CTNNA3: variants seen among roughly 807,000 people sequenced by gnomAD.
CTNNA3 encodes the protein catenin alpha-3.
Under a neutral mutation model 95.7 loss-of-function variants are expected in CTNNA3, and 76 were observed. The observed-to-expected ratio is 0.79, with a 90% CI of 0.66 to 0.96. The LOEUF (loss-of-function observed/expected upper bound fraction) is 0.96. Ranked by LOEUF, CTNNA3 falls within the 40% of genes least tolerant of loss-of-function variation. The pLI, the probability that CTNNA3 is intolerant of heterozygous loss-of-function variation, is 0.00. For synonymous variants in CTNNA3, 431 were observed against 374.4 expected, an observed-to-expected ratio of 1.15 and a Z score of -1.74; for missense variants, 1,191 against 1,089.8, an observed-to-expected ratio of 1.09 and a Z score of -1.31.
chr10:67,629,400 C>T (rs1839064166), intron 2 of CTNNA3, among the ~76,000 whole-genome samples: 1 of 152,178 alleles, frequency 6.6e-6, no homozygotes, highest in Non-Finnish European at 1.5e-5. Flanking sequence ...CAGTCACCAT[C>T]CACCAGCAAT....
At chr10:66,424,751 C>A (rs2093224696) in intron 11 of CTNNA3, among the ~76,000 whole-genome samples, 1 of 152,106 alleles carries the variant, frequency 6.6e-6, no homozygotes, top group African/African-American at 2.4e-5. Context: ...AAGATACAGT[C>A]TCTGTTTGCT....
chr10:66,122,796 G>A (rs1216243736), intron 13 of CTNNA3, among the ~76,000 whole-genome samples: 1 of 152,226 alleles, frequency 6.6e-6, no homozygotes, highest in African/African-American at 2.4e-5. Flanking sequence ...AGCAGACAAA[G>A]AGAGAGCTTG....
chr10:66,352,152 A>G (rs987154523), intron 12 of CTNNA3, among the ~76,000 whole-genome samples: 31 of 152,060 alleles, frequency 2.0e-4, no homozygotes, highest in African/African-American at 6.3e-4. Context: ...CAAGCAAGCA[A>G]GAAGGTATCA....
At chr10:66,985,991 G>A (rs925933694) in intron 7 of CTNNA3, among the ~76,000 whole-genome samples, 3 of 152,080 alleles carry the variant, frequency 2.0e-5, no homozygotes, top group Non-Finnish European at 4.4e-5. Flanking sequence ...CTCCAAAAGT[G>A]CTGGGATTAC....
intron 6 of CTNNA3, among the ~76,000 whole-genome samples, chr10:67,191,469 T>G (rs746492472): frequency 6.6e-5 from 10 of 151,496 alleles, no homozygotes; most frequent in Non-Finnish European, 8.9e-5. Context: ...ACAAACTATC[T>G]GAAAAAGAAA....
intron 9 of CTNNA3, among the ~76,000 whole-genome samples, chr10:66,673,712 G>T (rs535623816): frequency 1.3e-5 from 2 of 152,112 alleles, no homozygotes; most frequent in African/African-American, 4.8e-5. Context: ...ATGAAGATTA[G>T]ATATGGGCCT....
At chr10:67,555,339 T>G (rs1353761081) in intron 3 of CTNNA3, among the ~76,000 whole-genome samples, 2 of 152,216 alleles carry the variant, frequency 1.3e-5, no homozygotes, top group Non-Finnish European at 2.9e-5. Flanking sequence ...ATAAATTACC[T>G]TGGGCAGTAT....
chr10:66,005,726 A>C (rs1421402759), intron 15 of CTNNA3, among the ~76,000 whole-genome samples: 1 of 152,176 alleles, frequency 6.6e-6, no homozygotes, highest in Non-Finnish European at 1.5e-5. Context: ...AAAAGGAAGA[A>C]GGAAACCTCT....
chr10:66,600,880 A>G (rs1843896921), intron 10 of CTNNA3, among the ~76,000 whole-genome samples: 1 of 151,924 alleles, frequency 6.6e-6, no homozygotes, highest in African/African-American at 2.4e-5. Flanking sequence ...AGCAAGGGGT[A>G]GTAGAAAAGT....
At chr10:66,274,932 A>G (rs1479228042) in intron 13 of CTNNA3, among the ~76,000 whole-genome samples, 2 of 152,096 alleles carry the variant, frequency 1.3e-5, no homozygotes. Context: ...TAATTTTCAG[A>G]GTATAGATAT....
intron 7 of CTNNA3, among the ~76,000 whole-genome samples, chr10:66,866,025 T>C (rs1335272242): frequency 6.6e-6 from 1 of 152,054 alleles, no homozygotes; most frequent in Non-Finnish European, 1.5e-5. Context: ...ATCACAGAAA[T>C]GCAAAAAAAT....
At position 66,280,606 on chromosome 10, in the gene CTNNA3, A is replaced by G. The variant is rs753066401; in HGVS notation, c.1748T>C (p.Val583Ala). The G allele has an allele frequency of 1.2e-5, 19 of 1,605,786 alleles. No individual in the cohort carries two copies. The highest frequency in any genetic ancestry group is 2.7e-5 in the African/African-American group (2 of 74,312). The change falls in exon 13 of 18, where the codon GTA becomes GCA. Residue 583 changes from valine to alanine, a missense_variant. Transcript: ENST00000433211. ...FLTSTVIPEF[V>A]TQVNVALEAL... ...TTCCAAGGCAACATTCACTTGTGTT[A>G]CAAATTCAGGAATTACTGTTAAAAT...
At chr10:67,587,520 C>T (rs1334792054) in intron 3 of CTNNA3, among the ~76,000 whole-genome samples, 3 of 152,096 alleles carry the variant, frequency 2.0e-5, no homozygotes, top group South Asian at 2.1e-4. Context: ...TCTTTCAGCA[C>T]TTTGAATATA....
intron 1 of CTNNA3, among the ~76,000 whole-genome samples, chr10:67,730,934 A>G (rs2133631957): frequency 6.6e-6 from 1 of 152,260 alleles, no homozygotes; most frequent in South Asian, 2.1e-4. Context: ...ACATACTCAT[A>G]ATATTTAATA....
chr10:66,590,993 T>C (rs1843530252), intron 10 of CTNNA3, among the ~76,000 whole-genome samples: 1 of 152,140 alleles, frequency 6.6e-6, no homozygotes, highest in Admixed American at 6.6e-5. Flanking sequence ...GTGGGAGTGG[T>C]TTTAAATGAT....
At chr10:66,458,615 A>C (rs1053842377) in intron 11 of CTNNA3, among the ~76,000 whole-genome samples, 2 of 152,084 alleles carry the variant, frequency 1.3e-5, no homozygotes, top group Non-Finnish European at 2.9e-5. Context: ...GGTGACCACT[A>C]TTCTATTTTC....
At chr10:66,611,389 C>T (rs539241264) in intron 10 of CTNNA3, among the ~76,000 whole-genome samples, 1 of 151,710 alleles carries the variant, frequency 6.6e-6, no homozygotes, top group African/African-American at 2.4e-5. Flanking sequence ...ATCATATGTA[C>T]CCCCAAAATA....
intron 7 of CTNNA3, among the ~76,000 whole-genome samples, chr10:66,907,150 G>C (rs1846022249): frequency 6.6e-6 from 1 of 151,936 alleles, no homozygotes; most frequent in African/African-American, 2.4e-5. Flanking sequence ...CATTTCTCTT[G>C]TCATTAGCAT....
chr10:67,629,809 G>C (rs887758386), intron 2 of CTNNA3, among the ~76,000 whole-genome samples: 4 of 152,174 alleles, frequency 2.6e-5, no homozygotes, highest in African/African-American at 9.7e-5. Context: ...TAATCTTATT[G>C]TTCCTGAACA....
Sources: allele counts gnomAD v4.1 joint callset (sites outside exome capture counted in the v4.1 genomes callset), GRCh38; gene constraint gnomAD v4.1.1; transcripts MANE v1.5; gene names NCBI Gene and HGNC (gene_info 2026-07-23, HGNC 2026-07-21).